Variants in COL4A2 observed in about 807,000 individuals in gnomAD.
COL4A2 encodes collagen type IV alpha 2 chain.
A neutral mutation model predicts 200.2 loss-of-function variants in COL4A2; 99 were observed. That is an observed-to-expected ratio of 0.49 (90% CI 0.42 to 0.58). COL4A2 has a LOEUF of 0.58. Among genes scored for constraint, COL4A2 ranks in the 20% least tolerant of loss-of-function variants. The probability of loss-of-function intolerance (pLI) is 0.00; values close to 1 mark genes in which losing one functional copy is unlikely to be tolerated. For missense variants in COL4A2, 1,950 were observed against 2,314.1 expected (o/e 0.84, Z 3.23); for synonymous variants, 897 against 900.6 (o/e 1.00, Z 0.07).
At chr13:110,361,574 A>G (rs1457073584) in intron 4 of COL4A2, among the ~76,000 whole-genome samples, 1 of 152,230 alleles carries the variant, frequency 6.6e-6, no homozygotes, top group Non-Finnish European at 1.5e-5. Context: ...ACGTCACTGG[A>G]TAACTTTTGG....
chr13:110,504,326 G>C (rs959214457), intron 45 of COL4A2, 62 bp downstream of exon 45: 31 of 1,382,562 alleles, frequency 2.2e-5, no homozygotes, highest in Non-Finnish European at 3.2e-5. Flanking sequence ...CTCACAGACT[G>C]TGGTCTGCAG....
intron 17 of COL4A2, 84 bp from the exon 18 acceptor site, chr13:110,446,713 CG>C: frequency 1.7e-6 from 2 of 1,189,302 alleles, no homozygotes; most frequent in South Asian, 2.6e-5. Flanking sequence ...GGTCCACGCT[CG>C]GGTTTCTTCT....
chr13:110,512,330 A>T lies in COL4A2; in HGVS notation c.*139A>T, dbSNP rs1202392605. On this transcript the variant is annotated 3_prime_UTR_variant, in exon 48 of 48. Coordinates refer to ENST00000360467, the MANE Select transcript of COL4A2 (RefSeq NM_001846.4). ...GAATTTGCATCCAGCAGCAGCACTT[A>T]GACCTGCCAGCCACTGTCACCGAGC... 8 of 1,367,328 alleles carry T rather than the reference A, an allele frequency of 5.9e-6. No individual in the cohort carries two copies. The highest frequency in any genetic ancestry group is 7.7e-6 in the Non-Finnish European group (8 of 1,039,280). 84.7% of individuals were successfully genotyped at this position (1,367,328 alleles called of 1,614,324 possible).
At chr13:110,315,219 G>C (rs949283621) in intron 3 of COL4A2, among the ~76,000 whole-genome samples, 1 of 152,200 alleles carries the variant, frequency 6.6e-6, no homozygotes, top group Non-Finnish European at 1.5e-5. Context: ...TCACACACCT[G>C]CACATGGCTG....
chr13:110,453,436 G>A (rs2139484853), intron 20 of COL4A2, among the ~76,000 whole-genome samples: 1 of 152,200 alleles, frequency 6.6e-6, no homozygotes, highest in South Asian at 2.1e-4. Flanking sequence ...GGGAGGCGGA[G>A]GTTGCAGTGA....
At chr13:110,370,212 G>GAAA (rs145251384) in intron 4 of COL4A2, among the ~76,000 whole-genome samples, 233 of 148,362 alleles carry the variant, frequency 1.6e-3, no homozygotes, top group African/African-American at 2.8e-3. Context: ...CCAAAAAAAA[G>GAAA]AAAAAAAAAA....
At chr13:110,489,554 G>A in intron 35 of COL4A2, 46 bp downstream of exon 35, 1 of 1,609,040 alleles carries the variant, frequency 6.2e-7, no homozygotes, top group South Asian at 1.1e-5. Flanking sequence ...ACAATTCAGA[G>A]CTCTCTGAGC....
chr13:110,421,704 T>G (rs1880257831), intron 4 of COL4A2, among the ~76,000 whole-genome samples: 3 of 152,238 alleles, frequency 2.0e-5, no homozygotes, highest in Non-Finnish European at 4.4e-5. Flanking sequence ...TTAAAATGGT[T>G]AGCTTTATGC....
chr13:110,509,505 C>T (rs1171813340), intron 47 of COL4A2, among the ~76,000 whole-genome samples: 2 of 152,040 alleles, frequency 1.3e-5, no homozygotes, highest in Non-Finnish European at 2.9e-5. Flanking sequence ...TGGAAGGTGA[C>T]TTTGGAGCAA....
At chr13:110,368,419 T>A (rs1175840743) in intron 4 of COL4A2, among the ~76,000 whole-genome samples, 1 of 152,234 alleles carries the variant, frequency 6.6e-6, no homozygotes, top group African/African-American at 2.4e-5. Context: ...ACTTAAAACT[T>A]CAAAGCAATA....
At chr13:110,332,990 C>T (rs1051443614) in intron 3 of COL4A2, among the ~76,000 whole-genome samples, 14 of 152,174 alleles carry the variant, frequency 9.2e-5, no homozygotes, top group Non-Finnish European at 1.6e-4. Context: ...CTTCCCAACC[C>T]ACCAGGTCCT....
At position 110,482,585 on chromosome 13, in the gene COL4A2, C is replaced by T; in HGVS notation, c.2828C>T (p.Pro943Leu). The T allele has an allele frequency of 6.2e-7, 1 of 1,614,146 alleles. No homozygotes were observed. Among genetic ancestry groups the T allele is most frequent in the Non-Finnish European group, 8.5e-7 (1 of 1,180,028 alleles). The change falls in exon 32 of 48, where the codon CCA becomes CTA. Residue 943 changes from proline to leucine, a missense_variant. By Grantham distance (98) the Pro-to-Leu change is moderately conservative. This residue lies in a region of COL4A2 where 1,385 missense variants were observed against 1,720.5 expected (regional missense o/e 0.80). Transcript: ENST00000360467. ...GGACTCAAAGGGAGACCCGGGTTTC[C>T]AGGGAGCAAAGGCGAGGCTGGATTT... ...MPGLKGRPGF[P>L]GSKGEAGFFG...
intron 12 of COL4A2, among the ~76,000 whole-genome samples, chr13:110,435,416 T>C (rs1021863155): frequency 3.3e-5 from 5 of 152,226 alleles, no homozygotes; most frequent in African/African-American, 4.8e-5. Context: ...AAAGGACTTA[T>C]GCAAATAATG....
intron 26 of COL4A2, among the ~76,000 whole-genome samples, chr13:110,466,459 A>G (rs1052409559): frequency 6.6e-6 from 1 of 152,156 alleles, no homozygotes; most frequent in Admixed American, 6.5e-5. Context: ...AAGCTCCAAG[A>G]GTGACTGTTC....
intron 4 of COL4A2, among the ~76,000 whole-genome samples, chr13:110,397,945 G>A (rs1291748518): frequency 6.6e-6 from 1 of 152,192 alleles, no homozygotes; most frequent in East Asian, 1.9e-4. Context: ...TTTAAGAGCA[G>A]CTGTATCGTA....
chr13:110,334,521 T>C (rs1033245980), intron 3 of COL4A2, among the ~76,000 whole-genome samples: 8 of 152,216 alleles, frequency 5.3e-5, no homozygotes, highest in African/African-American at 1.9e-4. Context: ...TGGAAGCGGC[T>C]TCCCTTCCCA....
chr13:110,501,839 A>G, intron 41 of COL4A2, 55 bp downstream of exon 41: 3 of 1,528,482 alleles, frequency 2.0e-6, no homozygotes, highest in Non-Finnish European at 2.7e-6. Flanking sequence ...GGAGCTGGCA[A>G]TGGCCCGCTT....
intron 3 of COL4A2, among the ~76,000 whole-genome samples, chr13:110,335,264 T>C (rs1316057940): frequency 6.6e-6 from 1 of 152,098 alleles, no homozygotes; most frequent in Admixed American, 6.5e-5. Flanking sequence ...GCTCCTGCTG[T>C]GGTTTGGCTC....
Position 110,347,985 on chromosome 13 carries a change from G to A in COL4A2, c.100-9487G>A, listed in dbSNP as rs573238098. Among the ~76,000 whole-genome samples the A allele has an allele frequency of 2.6e-5, 4 of 152,348 alleles. No homozygotes were observed. The South Asian group carries it at 6.2e-4, about 24-fold the overall frequency. On this transcript the variant is annotated intron_variant, in intron 3 of 47. Transcript: ENST00000360467. ...GAATGATCCCATTCCTCAGGTATTCGTCTGGGAGACCGTAAAGGATTGCTT... is the reference window on the plus strand; with the variant it reads ...GAATGATCCCATTCCTCAGGTATTCATCTGGGAGACCGTAAAGGATTGCTT...
Sources: gnomAD v4.1 joint callset for allele counts (sites outside exome capture counted in the v4.1 genomes callset) on GRCh38, gnomAD v4.1.1 for gene constraint, gnomAD v4.1.1 regional missense constraint, MANE v1.5 for transcripts, NCBI Gene and HGNC (gene_info 2026-07-23, HGNC 2026-07-21) for gene names.